PRR5: variants seen among roughly 807,000 people sequenced by gnomAD.
PRR5 encodes proline-rich protein 5.
In PRR5, 25 loss-of-function variants were observed where a neutral mutation model predicts 30.6. The ratio of observed to expected loss-of-function variants is 0.82; its 90% CI spans 0.60 to 1.14. PRR5 has a LOEUF of 1.14. PRR5 is among the 50% of genes most tolerant of loss of function. PRR5 has a pLI of 0.00. For synonymous variants in PRR5, 286 were observed against 247.1 expected, an observed-to-expected ratio of 1.16 and a Z score of -1.48; for missense variants, 600 against 547.1, an observed-to-expected ratio of 1.10 and a Z score of -0.96.
chr22:44,706,132 T>G (rs183018496), intron 1 of PRR5, among the ~76,000 whole-genome samples: 19 of 152,266 alleles, frequency 1.2e-4, no homozygotes, highest in Non-Finnish European at 2.1e-4. Flanking sequence ...ACACTAGTTA[T>G]TGGATTTAGG....
At position 44,708,966 on chromosome 22, in the gene PRR5, CAAAAAAAAAAAAAAAAAA is replaced by C. The variant is rs60854330; in HGVS notation, c.135-5615_135-5598del. On this transcript the variant is annotated intron_variant, in intron 1 of 7. Coordinates refer to ENST00000336985, the MANE Select transcript of PRR5 (RefSeq NM_181333.4). ...TGGGGGACAGAGTGAGACTCTGTCT[CAAAAAAAAAAAAAAAAAA>C]AAAAAAAAAGAAGGTACAAGGACTG... Among the ~76,000 whole-genome samples the C allele has an allele frequency of 7.8e-5, 5 of 64,422 alleles. No individual in the cohort carries two copies. In the Admixed American group the frequency reaches 9.2e-4, roughly 12 times the overall value. The allele number at this position is 64,422 out of a possible 152,430, so 42.3% of individuals were successfully genotyped here. A position where few individuals can be genotyped will look rare whatever the true frequency, so the allele number is the denominator to read the frequency against.
At chr22:44,698,962 G>A (rs74342985), upstream of PRR5, among the ~76,000 whole-genome samples, 2,913 of 152,192 alleles carry the variant, frequency 0.019, 93 homozygotes, top group Admixed American at 0.094. Flanking sequence ...TGCCTGTCAC[G>A]GCCCAAACCC....
intron 1 of PRR5, among the ~76,000 whole-genome samples, chr22:44,671,861 G>C (rs946701225): frequency 1.3e-5 from 2 of 152,212 alleles, no homozygotes; most frequent in African/African-American, 4.8e-5. Flanking sequence ...TGCTGTGAGA[G>C]TTAAGCAACT....
At chr22:44,685,772 G>A (rs1924693802) in intron 1 of PRR5, among the ~76,000 whole-genome samples, 1 of 152,250 alleles carries the variant, frequency 6.6e-6, no homozygotes, top group Admixed American at 6.5e-5. Context: ...AGAATCCCAA[G>A]CACCAAGGGT....
chr22:44,680,620 C>T (rs1404504347), intron 1 of PRR5, among the ~76,000 whole-genome samples: 1 of 152,226 alleles, frequency 6.6e-6, no homozygotes, highest in Admixed American at 6.5e-5. Flanking sequence ...CCCATGGAAG[C>T]TGCTGCATCT....
At chr22:44,718,470 C>G (rs986093716) in intron 2 of PRR5, among the ~76,000 whole-genome samples, 3 of 152,168 alleles carry the variant, frequency 2.0e-5, no homozygotes, top group Non-Finnish European at 4.4e-5. Flanking sequence ...GCTGGGGTTA[C>G]AGGCCTGAGC....
In PRR5 at chr22:44,735,104, C is replaced by T. The variant is rs143255482; in HGVS notation, c.633C>T (p.Tyr211=). The T allele has an allele frequency of 4.3e-6, 7 of 1,612,582 alleles. No homozygotes were observed. The East Asian group carries it at 1.1e-4, about 26-fold the overall frequency. ...TGGTCCAGAAGGTGGTGTCGCCATA[C>T]CTGGGCACCTACGGCCTCCACTCCA... ...ETLVQKVVSP[Y]LGTYGLHSSE... The change falls in exon 7 of 8, where the codon TAC becomes TAT. Residue 211 remains tyrosine (Y), a synonymous_variant. Coordinates refer to ENST00000336985, the MANE Select transcript of PRR5 (RefSeq NM_181333.4).
chr22:44,719,809 A>C (rs1929661211), intron 2 of PRR5, among the ~76,000 whole-genome samples: 2 of 152,164 alleles, frequency 1.3e-5, no homozygotes, highest in Non-Finnish European at 2.9e-5. Flanking sequence ...CAAGTCACAG[A>C]TGATCTGTCC....
intron 1 of PRR5, among the ~76,000 whole-genome samples, chr22:44,711,976 T>C (rs906100054): frequency 2.0e-5 from 3 of 152,228 alleles, no homozygotes; most frequent in Admixed American, 2.0e-4. Flanking sequence ...GATTTTCAAC[T>C]TTTTTTAGTC....
chr22:44,720,037 C>G (rs1310646102), intron 2 of PRR5, among the ~76,000 whole-genome samples: 2 of 152,178 alleles, frequency 1.3e-5, no homozygotes, highest in Non-Finnish European at 2.9e-5. Context: ...CCCTGGGCTC[C>G]CCTCCTGTGA....
At chr22:44,716,817 T>G (rs1402055681) in intron 2 of PRR5, among the ~76,000 whole-genome samples, 1 of 152,082 alleles carries the variant, frequency 6.6e-6, no homozygotes, top group Non-Finnish European at 1.5e-5. Context: ...TCCCAGCACT[T>G]TGGGAGGCCG....
chr22:44,733,427 C>T (rs371214727), intron 6 of PRR5, among the ~76,000 whole-genome samples: 18 of 152,332 alleles, frequency 1.2e-4, no homozygotes, highest in African/African-American at 1.9e-4. Context: ...TCTGAATCCC[C>T]GTGAAGCTCT....
chr22:44,735,171 C>T lies in PRR5; in HGVS notation c.691+9C>T. 6.2e-7 allele frequency: 1 copy of T among 1,611,092 alleles called. No individual in the cohort carries two copies. The highest frequency in any genetic ancestry group is 2.2e-5 in the East Asian group (1 of 44,768). On this transcript the variant is annotated intron_variant, in intron 7 of 7. Transcript: ENST00000336985. Reference sequence around the variant, plus strand: ...CCATTCCTGCATCCTGGGTAGGGGTCCGCCTGGGCCTTGGGCTGGGGCAGG... The same window carrying T: ...CCATTCCTGCATCCTGGGTAGGGGTTCGCCTGGGCCTTGGGCTGGGGCAGG...
chr22:44,724,680 C>T (rs1343307884), intron 2 of PRR5, among the ~76,000 whole-genome samples: 1 of 152,160 alleles, frequency 6.6e-6, no homozygotes, highest in Non-Finnish European at 1.5e-5. Flanking sequence ...GATCTCAGCT[C>T]TGGCGTGTCC....
upstream of PRR5, among the ~76,000 whole-genome samples, chr22:44,676,390 CAAAAAAA>C (rs59016907): frequency 1.4e-3 from 52 of 37,062 alleles, no homozygotes; most frequent in Middle Eastern, 0.013. Context: ...GACCCTGTCT[CAAAAAAA>C]AAAAAAAAAA....
intron 6 of PRR5, among the ~76,000 whole-genome samples, chr22:44,732,841 C>G (rs1374583578): frequency 4.4e-5 from 2 of 45,888 alleles, no homozygotes; most frequent in Admixed American, 2.3e-4. Flanking sequence ...ATACTACACA[C>G]GTGCACACAC....
chr22:44,678,282 A>AT (rs370441019), intron 1 of PRR5, among the ~76,000 whole-genome samples: 112 of 132,174 alleles, frequency 8.5e-4, no homozygotes, highest in African/African-American at 1.9e-3. Context: ...GCCTAGTCTG[A>AT]TTTTTTTTTG....
intron 2 of PRR5, among the ~76,000 whole-genome samples, chr22:44,718,192 C>CTCTTTTTTTTT (rs1555901074): frequency 5.3e-5 from 5 of 94,578 alleles, no homozygotes; most frequent in African/African-American, 2.1e-4. Context: ...TTTCATCTCT[C>CTCTTTTTTTTT]TTTTTTTTTT....
chr22:44,736,974 G>A lies in PRR5; in HGVS notation c.894G>A (p.Pro298=), dbSNP rs201222885. 264 of 1,600,852 alleles carry A rather than the reference G, an allele frequency of 1.6e-4. No individual in the cohort carries two copies. The highest frequency in any genetic ancestry group is 2.3e-4 in the African/African-American group (17 of 74,854). The change falls in exon 8 of 8, where the codon CCG becomes CCA. Residue 298 remains proline, a synonymous_variant. Transcript: ENST00000336985. ...CCGAGCCTCAGGGCTTCTCCGACCC[G>A]CCCGGCCAGGGCCCCACCGGGACCT... ...SCPEPQGFSD[P]PGQGPTGTFR... is the part of the protein sequence containing the mutation.
Sources: gnomAD v4.1 joint callset for allele counts (sites outside exome capture counted in the v4.1 genomes callset) on GRCh38, gnomAD v4.1.1 for gene constraint, MANE v1.5 for transcripts, NCBI Gene and HGNC (gene_info 2026-07-23, HGNC 2026-07-21) for gene names.